KCND2: variants seen among roughly 807,000 people sequenced by gnomAD.
KCND2 encodes A-type voltage-gated potassium channel KCND2.
KCND2 carries 16 observed loss-of-function variants against 54.4 expected under a neutral mutation model. The observed-to-expected ratio is 0.29, with a 90% CI of 0.20 to 0.45. KCND2 has a LOEUF of 0.45. Among genes scored for constraint, KCND2 ranks in the 20% least tolerant of loss-of-function variants. KCND2 has a pLI of 1.00. For missense variants in KCND2, 486 were observed against 824.2 expected (o/e 0.59, Z 5.02); for synonymous variants, 317 against 310.7 (o/e 1.02, Z -0.21).
chr7:120,492,325 CTT>C (rs1364978891), intron 1 of KCND2, among the ~76,000 whole-genome samples: 1 of 152,058 alleles, frequency 6.6e-6, no homozygotes, highest in Non-Finnish European at 1.5e-5. Flanking sequence ...CACACCAAAA[CTT>C]GATGTAATCT....
chr7:120,489,859 A>T (rs1057255386), intron 1 of KCND2, among the ~76,000 whole-genome samples: 1 of 152,156 alleles, frequency 6.6e-6, no homozygotes, highest in Admixed American at 6.6e-5. Flanking sequence ...TGGGCCCGCC[A>T]TGATAATTCT....
intron 1 of KCND2, among the ~76,000 whole-genome samples, chr7:120,316,310 A>G (rs1442346180): frequency 6.6e-6 from 1 of 152,216 alleles, no homozygotes; most frequent in African/African-American, 2.4e-5. Flanking sequence ...TTCTCAGAAT[A>G]TTTAGCTAGC....
At chr7:120,416,973 G>A (rs1801533560) in intron 1 of KCND2, among the ~76,000 whole-genome samples, 1 of 152,098 alleles carries the variant, frequency 6.6e-6, no homozygotes, top group Admixed American at 6.5e-5. Flanking sequence ...AGCCTCCCAG[G>A]TAGCTGGGAC....
intron 1 of KCND2, among the ~76,000 whole-genome samples, chr7:120,645,589 A>T (rs1454118192): frequency 6.6e-6 from 1 of 152,222 alleles, no homozygotes; most frequent in Non-Finnish European, 1.5e-5. Flanking sequence ...TGGCATGCTA[A>T]TACAGAGTTC....
At chr7:120,608,935 T>G (rs1792917034) in intron 1 of KCND2, among the ~76,000 whole-genome samples, 1 of 152,082 alleles carries the variant, frequency 6.6e-6, no homozygotes, top group Admixed American at 6.6e-5. Flanking sequence ...AACTGACCAG[T>G]TAAATGGTAT....
intron 1 of KCND2, among the ~76,000 whole-genome samples, chr7:120,333,418 T>C (rs1347673433): frequency 6.6e-6 from 1 of 152,082 alleles, no homozygotes; most frequent in East Asian, 1.9e-4. Flanking sequence ...TTCAGGTTGT[T>C]ACTATCAATT....
chr7:120,722,936 G>C (rs1218922552), intron 1 of KCND2, among the ~76,000 whole-genome samples: 1 of 152,130 alleles, frequency 6.6e-6, no homozygotes, highest in Non-Finnish European at 1.5e-5. Flanking sequence ...GTGGTGGCTG[G>C]TTATAAGAAA....
At chr7:120,339,273 TA>T (rs1800203905) in intron 1 of KCND2, among the ~76,000 whole-genome samples, 1 of 151,834 alleles carries the variant, frequency 6.6e-6, no homozygotes, top group Admixed American at 6.6e-5. Flanking sequence ...GCAAACCATG[TA>T]AAATGTCCCC....
At chr7:120,705,708 A>G (rs147772928) in intron 1 of KCND2, among the ~76,000 whole-genome samples, 243 of 152,164 alleles carry the variant, frequency 1.6e-3, no homozygotes, top group African/African-American at 5.6e-3. Context: ...ACCACTCAAA[A>G]CTCAATTAAA....
intron 1 of KCND2, among the ~76,000 whole-genome samples, chr7:120,510,887 T>C (rs535388368): frequency 6.7e-6 from 1 of 149,528 alleles, no homozygotes; most frequent in East Asian, 2.0e-4. Flanking sequence ...GCCCCATGAG[T>C]CTTTGAAATC....
intron 1 of KCND2, among the ~76,000 whole-genome samples, chr7:120,500,318 C>T (rs1392088465): frequency 6.6e-6 from 1 of 152,188 alleles, no homozygotes; most frequent in East Asian, 1.9e-4. Context: ...CTTCACCAAT[C>T]ATCTTTTACA....
At chr7:120,416,147 C>CT (rs909185790) in intron 1 of KCND2, among the ~76,000 whole-genome samples, 1 of 152,116 alleles carries the variant, frequency 6.6e-6, no homozygotes, top group African/African-American at 2.4e-5. Flanking sequence ...TCTTAGAGCT[C>CT]TTTTTTTATA....
At chr7:120,481,556 T>A (rs1054546098) in intron 1 of KCND2, among the ~76,000 whole-genome samples, 3 of 152,132 alleles carry the variant, frequency 2.0e-5, no homozygotes, top group Admixed American at 2.0e-4. Flanking sequence ...TTTGGAGATC[T>A]TCTAGGCCAC....
At chr7:120,279,180 T>C (rs562059256) in intron 1 of KCND2, among the ~76,000 whole-genome samples, 1 of 152,056 alleles carries the variant, frequency 6.6e-6, no homozygotes, top group Non-Finnish European at 1.5e-5. Context: ...TTTGTAAAAA[T>C]GTACTAGACA....
chr7:120,566,332 G>A (rs1033869665), intron 1 of KCND2, among the ~76,000 whole-genome samples: 1 of 151,936 alleles, frequency 6.6e-6, no homozygotes, highest in African/African-American at 2.4e-5. Flanking sequence ...GTGTGCGCAT[G>A]GATATTTTGC....
intron 1 of KCND2, among the ~76,000 whole-genome samples, chr7:120,437,688 A>ACC (rs1563045975): frequency 3.3e-5 from 5 of 152,250 alleles, no homozygotes; most frequent in Non-Finnish European, 1.5e-5. Flanking sequence ...GATACTGAAC[A>ACC]GTATAGTGAT....
chr7:120,443,387 A>AT (rs1336726587), intron 1 of KCND2, among the ~76,000 whole-genome samples: 12 of 147,962 alleles, frequency 8.1e-5, no homozygotes, highest in Admixed American at 3.4e-4. Context: ...AATAATAATA[A>AT]AGTAATTGCT....
intron 1 of KCND2, among the ~76,000 whole-genome samples, chr7:120,684,983 T>C (rs543915721): frequency 4.8e-4 from 73 of 152,316 alleles, no homozygotes; most frequent in Non-Finnish European, 8.2e-4. Context: ...GTTGTATAAT[T>C]ATTTCATTAT....
At chr7:120,283,671 T>G (rs768681907) in intron 1 of KCND2, among the ~76,000 whole-genome samples, 4 of 152,204 alleles carry the variant, frequency 2.6e-5, no homozygotes, top group Non-Finnish European at 5.9e-5. Context: ...TGGGAACTGA[T>G]GCAGATAATT....
Sources: allele counts gnomAD v4.1 joint callset (sites outside exome capture counted in the v4.1 genomes callset), GRCh38; gene constraint gnomAD v4.1.1; transcripts MANE v1.5; gene names NCBI Gene and HGNC (gene_info 2026-07-23, HGNC 2026-07-21).